Variants in SNX29 observed in about 807,000 individuals in gnomAD.
SNX29 encodes sorting nexin-29.
A neutral mutation model predicts 102.1 loss-of-function variants in SNX29; 78 were observed. The ratio of observed to expected loss-of-function variants is 0.76; its 90% CI spans 0.64 to 0.92. The LOEUF (loss-of-function observed/expected upper bound fraction) is 0.92. Ranked by LOEUF, SNX29 falls within the 40% of genes least tolerant of loss-of-function variation. The pLI is 0.00. For missense variants in SNX29, 1,280 were observed against 1,061.7 expected, an observed-to-expected ratio of 1.21 and a Z score of -2.86; for synonymous variants, 580 against 414.5, an observed-to-expected ratio of 1.40 and a Z score of -4.85.
intron 16 of SNX29, among the ~76,000 whole-genome samples, chr16:12,369,204 C>T (rs1023629968): frequency 1.8e-4 from 27 of 151,632 alleles, no homozygotes; most frequent in African/African-American, 6.3e-4. Context: ...GGCTCGATCT[C>T]GGCTCACTAC....
At chr16:12,326,107 C>A (rs1377915009) in intron 15 of SNX29, among the ~76,000 whole-genome samples, 1 of 151,836 alleles carries the variant, frequency 6.6e-6, no homozygotes, top group African/African-American at 2.4e-5. Context: ...CTCACTGCAA[C>A]CTCTGCCTCC....
chr16:12,570,832 T>TCA lies in SNX29; in HGVS notation c.*2204_*2205dup, dbSNP rs747433303. The TCA allele has an allele frequency of 4.3e-6, 1 of 232,308 alleles. No individual in the cohort carries two copies. Among genetic ancestry groups the TCA allele is most frequent in the African/African-American group, 2.2e-5 (1 of 45,308 alleles). The allele number at this position is 232,308 out of a possible 1,614,324, so 14.4% of individuals were successfully genotyped here. A position where few individuals can be genotyped will look rare whatever the true frequency, so the allele number is the denominator to read the frequency against. On this transcript the variant is annotated 3_prime_UTR_variant, in exon 21 of 21. Coordinates refer to ENST00000566228, the MANE Select transcript of SNX29 (RefSeq NM_032167.5). ...TAACCCGTGAGAAACAAGTATGCTC[T>TCA]CAGCTGGTATTGAACTGGTGGGAGA...
chr16:12,520,095 A>G (rs1266353845), intron 19 of SNX29, among the ~76,000 whole-genome samples: 3 of 152,204 alleles, frequency 2.0e-5, no homozygotes, highest in African/African-American at 7.2e-5. Context: ...GGGATCTTCC[A>G]CACCTCTCAG....
chr16:12,289,257 G>A (rs1383482189), intron 15 of SNX29, among the ~76,000 whole-genome samples: 2 of 152,180 alleles, frequency 1.3e-5, no homozygotes, highest in Non-Finnish European at 2.9e-5. Flanking sequence ...CATGCAGCAG[G>A]AGGAGAAGGG....
chr16:12,248,655 A>G (rs2078332810), intron 14 of SNX29, among the ~76,000 whole-genome samples: 1 of 151,580 alleles, frequency 6.6e-6, no homozygotes, highest in African/African-American at 2.4e-5. Context: ...ATCTCAAGTG[A>G]TCCGCCTCCC....
chr16:12,048,994 G>C (rs1173970547), intron 7 of SNX29, among the ~76,000 whole-genome samples: 1 of 152,206 alleles, frequency 6.6e-6, no homozygotes, highest in Non-Finnish European at 1.5e-5. Context: ...GTAGCCTGCA[G>C]TCTCCTTTGG....
intron 15 of SNX29, among the ~76,000 whole-genome samples, chr16:12,348,789 C>G (rs1039580621): frequency 6.6e-6 from 1 of 152,202 alleles, no homozygotes; most frequent in African/African-American, 2.4e-5. Flanking sequence ...GTTGCACACC[C>G]TTTCTGTGCC....
At chr16:12,075,515 C>T (rs1317032089) in intron 10 of SNX29, among the ~76,000 whole-genome samples, 1 of 152,178 alleles carries the variant, frequency 6.6e-6, no homozygotes, top group Non-Finnish European at 1.5e-5. Context: ...TCTGATCGTT[C>T]CTCTGGAAGT....
rs531372787 is a variant in SNX29, at chr16:12,572,376, C to T, written c.*3747C>T. The T allele has an allele frequency of 4.5e-5, 48 of 1,062,768 alleles. No homozygotes were observed. Among genetic ancestry groups the T allele is most frequent in the East Asian group, 2.0e-4 (4 of 19,794 alleles). The allele number at this position is 1,062,768 out of a possible 1,614,324, so 65.8% of individuals were successfully genotyped here. On this transcript the variant is annotated 3_prime_UTR_variant, in exon 21 of 21. Transcript: ENST00000566228. ...GACAGCAGGCTCTGCCTTCTGGAGG[C>T]GGCTTATATCCCAACAGCCTGAGGC...
Position 12,365,358 on chromosome 16 carries a change from G to GTGTGTA in SNX29, c.1899+9084_1899+9085insATGTGT, listed in dbSNP as rs61510106. Among the ~76,000 whole-genome samples, 256 of 150,476 alleles carry GTGTGTA rather than the reference G, an allele frequency of 1.7e-3. 3 individuals are homozygous for GTGTGTA. The highest frequency in any genetic ancestry group is 6.0e-3 in the African/African-American group (243 of 40,470). ...TGTGTGTGTGTGTGTGTGTGTGTGT[G>GTGTGTA]TGTGTGTTTAGCATACTCATCACAT... On this transcript the variant is annotated intron_variant, in intron 16 of 20. Transcript: ENST00000566228.
At chr16:12,225,908 C>A (rs1288005223) in intron 14 of SNX29, among the ~76,000 whole-genome samples, 4 of 152,182 alleles carry the variant, frequency 2.6e-5, no homozygotes, top group African/African-American at 9.7e-5. Flanking sequence ...GCTCTCCTGC[C>A]TTTTAACTAA....
intron 16 of SNX29, among the ~76,000 whole-genome samples, chr16:12,371,664 A>G (rs2082688194): frequency 6.6e-6 from 1 of 152,072 alleles, no homozygotes; most frequent in Non-Finnish European, 1.5e-5. Flanking sequence ...CCAGGGTGTC[A>G]TTGCCTATGC....
chr16:12,469,746 C>G (rs1325727516), intron 18 of SNX29, among the ~76,000 whole-genome samples: 2 of 152,216 alleles, frequency 1.3e-5, no homozygotes, highest in African/African-American at 4.8e-5. Context: ...CAGGGTGGCT[C>G]ACGCCTGTAA....
At chr16:12,115,405 C>T (rs1369437541) in intron 11 of SNX29, among the ~76,000 whole-genome samples, 1 of 152,074 alleles carries the variant, frequency 6.6e-6, no homozygotes, top group Admixed American at 6.5e-5. Flanking sequence ...CAGACATGCT[C>T]TGACCAGAGA....
intron 18 of SNX29, among the ~76,000 whole-genome samples, chr16:12,406,789 A>T (rs538498397): frequency 2.8e-4 from 43 of 152,256 alleles, no homozygotes; most frequent in African/African-American, 1.0e-3. Flanking sequence ...CATGCCTGTA[A>T]TCCCAGCTAC....
intron 14 of SNX29, among the ~76,000 whole-genome samples, chr16:12,248,366 C>G (rs1596625733): frequency 6.6e-6 from 1 of 151,304 alleles, no homozygotes; most frequent in Non-Finnish European, 1.5e-5. Flanking sequence ...TTACATGGCT[C>G]TCTTCCTCTC....
intron 18 of SNX29, among the ~76,000 whole-genome samples, chr16:12,449,887 T>C (rs1169722291): frequency 6.6e-6 from 1 of 152,238 alleles, no homozygotes; most frequent in African/African-American, 2.4e-5. Context: ...CTGATATGAT[T>C]TGGCTGTGTC....
chr16:12,266,686 GAA>G (rs59509183), intron 14 of SNX29, among the ~76,000 whole-genome samples: 3 of 130,956 alleles, frequency 2.3e-5, no homozygotes, highest in African/African-American at 5.9e-5. Flanking sequence ...ATCTATTATT[GAA>G]AAAAAAAAAA....
chr16:12,452,871 G>A (rs2086369448), intron 18 of SNX29, among the ~76,000 whole-genome samples: 1 of 152,144 alleles, frequency 6.6e-6, no homozygotes, highest in Non-Finnish European at 1.5e-5. Context: ...AAATAAAATT[G>A]CTCCTTGTTC....
Sources: gnomAD v4.1 joint callset for allele counts (sites outside exome capture counted in the v4.1 genomes callset) on GRCh38, gnomAD v4.1.1 for gene constraint, MANE v1.5 for transcripts, NCBI Gene and HGNC (gene_info 2026-07-23, HGNC 2026-07-21) for gene names.